Variants in SORCS1 observed in about 807,000 individuals in gnomAD.
The protein encoded by SORCS1 is VPS10 domain-containing receptor SorCS1.
A neutral mutation model predicts 146.1 loss-of-function variants in SORCS1; 60 were observed. The observed-to-expected ratio is 0.41, with a 90% confidence interval of 0.33 to 0.51. SORCS1 has a LOEUF of 0.51. SORCS1 is among the 20% of genes least tolerant of loss of function. The pLI is 0.21. For synonymous variants in SORCS1, 637 were observed against 584.0 expected, an observed-to-expected ratio of 1.09 and a Z score of -1.31; for missense variants, 1,352 against 1,487.6, an observed-to-expected ratio of 0.91 and a Z score of 1.50.
intron 5 of SORCS1, among the ~76,000 whole-genome samples, chr10:106,741,338 C>T (rs959506065): frequency 6.6e-6 from 1 of 152,194 alleles, no homozygotes; most frequent in African/African-American, 2.4e-5. Flanking sequence ...ATGACTCACA[C>T]CTGTAATTCT....
In SORCS1 at chr10:106,666,120, G is replaced by A. The variant is rs530840077; in HGVS notation, c.2303+1569C>T. Among the ~76,000 whole-genome samples, 146 of 152,264 alleles carry A rather than the reference G, an allele frequency of 9.6e-4. 1 individual carries two copies. Among genetic ancestry groups the A allele is most frequent in the African/African-American group, 3.2e-3 (133 of 41,556 alleles). ...CTCCCGAAATGCTGAGATTACAGGC[G>A]TGAGCCACTGCACCCGGCCACTTCT... On this transcript the variant is annotated intron_variant, in intron 17 of 25. Coordinates refer to ENST00000263054, the MANE Select transcript of SORCS1 (RefSeq NM_052918.5).
At chr10:106,875,028 C>T (rs935419442) in intron 2 of SORCS1, among the ~76,000 whole-genome samples, 5 of 151,994 alleles carry the variant, frequency 3.3e-5, no homozygotes, top group South Asian at 2.1e-4. Flanking sequence ...AATTATATAG[C>T]GGTGAATTCT....
At chr10:106,865,443 G>A (rs892196009) in intron 2 of SORCS1, among the ~76,000 whole-genome samples, 8 of 152,178 alleles carry the variant, frequency 5.3e-5, no homozygotes, top group Non-Finnish European at 8.8e-5. Context: ...GCCAAACTGG[G>A]CCAGGCATGG....
chr10:106,920,314 G>A (rs908924455), intron 2 of SORCS1, among the ~76,000 whole-genome samples: 1 of 152,152 alleles, frequency 6.6e-6, no homozygotes, highest in African/African-American at 2.4e-5. Context: ...TTTCTTCTTC[G>A]GGAGCAATCT....
upstream of SORCS1, among the ~76,000 whole-genome samples, chr10:107,168,958 G>A (rs1159617059): frequency 1.3e-5 from 2 of 152,120 alleles, no homozygotes; most frequent in East Asian, 3.9e-4. Context: ...GGGAACAAGT[G>A]TGCACTTTTT....
chr10:106,695,118 A>T (rs1358492594), intron 9 of SORCS1, among the ~76,000 whole-genome samples: 1 of 152,064 alleles, frequency 6.6e-6, no homozygotes, highest in East Asian at 1.9e-4. Context: ...CATTCATTCT[A>T]TTCAGGTGTG....
At chr10:107,110,889 C>T (rs1393092702) in intron 1 of SORCS1, among the ~76,000 whole-genome samples, 1 of 152,180 alleles carries the variant, frequency 6.6e-6, no homozygotes, top group Non-Finnish European at 1.5e-5. Flanking sequence ...GCCAGCCCTA[C>T]TGGCCAAGGT....
chr10:106,877,352 C>A (rs1188666379), intron 2 of SORCS1, among the ~76,000 whole-genome samples: 1 of 151,804 alleles, frequency 6.6e-6, no homozygotes, highest in African/African-American at 2.4e-5. Context: ...GGAGGTCGAG[C>A]AGGGAGGATT....
chr10:106,735,940 T>C (rs1406808071), intron 5 of SORCS1, among the ~76,000 whole-genome samples: 5 of 152,324 alleles, frequency 3.3e-5, no homozygotes, highest in East Asian at 3.9e-4. Context: ...ACAAAGCCCA[T>C]TGCAGCCTCC....
intron 2 of SORCS1, among the ~76,000 whole-genome samples, chr10:106,949,584 A>G (rs941091826): frequency 6.6e-6 from 1 of 152,202 alleles, no homozygotes; most frequent in African/African-American, 2.4e-5. Context: ...AATGGCCACG[A>G]AATTGTGTCT....
intron 6 of SORCS1, 81 bp from the exon 7 acceptor site, chr10:106,709,422 A>T: frequency 1.4e-6 from 1 of 706,406 alleles, no homozygotes; most frequent in Non-Finnish European, 2.3e-6. Flanking sequence ...TGGACGTTTG[A>T]TATTTCCCTT....
chr10:107,147,069 C>A (rs182578036), intron 1 of SORCS1, among the ~76,000 whole-genome samples: 11 of 152,134 alleles, frequency 7.2e-5, no homozygotes, highest in Non-Finnish European at 7.3e-5. Context: ...TTCTATCATA[C>A]CCCAACTTAA....
Position 106,773,560 on chromosome 10 carries a change from G to C in SORCS1, c.885+2974C>G, listed in dbSNP as rs560455109. On this transcript the variant is annotated intron_variant, in intron 4 of 25. Coordinates refer to ENST00000263054, the MANE Select transcript of SORCS1 (RefSeq NM_052918.5). ...GGCTATCCATGATGTGTTTTTTCCA[G>C]TATGATTTATCCTTCATCCTCTCTT... 1.1e-4 allele frequency among the ~76,000 whole-genome samples: 17 copies of C among 152,266 alleles called. No homozygotes were observed. The East Asian group carries it at 2.1e-3, about 19-fold the overall frequency.
Position 106,577,092 on chromosome 10 carries a change from T to G in SORCS1, c.*328A>C. 1.3e-6 allele frequency: 1 copy of G among 742,330 alleles called. No individual in the cohort carries two copies. The highest frequency in any genetic ancestry group is 1.9e-6 in the Non-Finnish European group (1 of 522,062). 46.0% of individuals were successfully genotyped at this position (742,330 alleles called of 1,614,324 possible). A position where few individuals can be genotyped will look rare whatever the true frequency, so the allele number is the denominator to read the frequency against. ...GCACAGGCTTAAAGCTAAAAACCCT[T>G]GTTGTCTGTGTCTGAAGAATTAAAA... On this transcript the variant is annotated 3_prime_UTR_variant, in exon 26 of 26. Transcript: ENST00000263054.
chr10:106,904,538 C>T (rs1951836496), intron 2 of SORCS1, among the ~76,000 whole-genome samples: 2 of 152,110 alleles, frequency 1.3e-5, no homozygotes, highest in Admixed American at 1.3e-4. Flanking sequence ...AAGCCTGGTG[C>T]CTAAACTGAG....
At chr10:107,142,724 C>T (rs1967949313) in intron 1 of SORCS1, among the ~76,000 whole-genome samples, 1 of 152,102 alleles carries the variant, frequency 6.6e-6, no homozygotes, top group African/African-American at 2.4e-5. Context: ...TTCTTCAATG[C>T]CATCATCACT....
intron 2 of SORCS1, among the ~76,000 whole-genome samples, chr10:106,934,868 C>G (rs1317944228): frequency 1.3e-5 from 2 of 151,784 alleles, no homozygotes; most frequent in Non-Finnish European, 2.9e-5. Flanking sequence ...GCTATGGGTA[C>G]ATAAAGGCAT....
intron 1 of SORCS1, among the ~76,000 whole-genome samples, chr10:107,131,684 A>G (rs1966875883): frequency 6.6e-6 from 1 of 152,164 alleles, no homozygotes; most frequent in Non-Finnish European, 1.5e-5. Context: ...ACATCATGGC[A>G]CTCCAGCCTG....
At chr10:107,139,738 G>C (rs1235667045) in intron 1 of SORCS1, among the ~76,000 whole-genome samples, 1 of 152,168 alleles carries the variant, frequency 6.6e-6, no homozygotes, top group Non-Finnish European at 1.5e-5. Context: ...TATTTATAGT[G>C]ATTGCAGTCC....
Sources: gnomAD v4.1 joint callset for allele counts (sites outside exome capture counted in the v4.1 genomes callset) on GRCh38, gnomAD v4.1.1 for gene constraint, MANE v1.5 for transcripts, NCBI Gene and HGNC (gene_info 2026-07-23, HGNC 2026-07-21) for gene names.